Variants in KIRREL3 observed in about 807,000 individuals in gnomAD.
KIRREL3 encodes the protein kirre like nephrin family adhesion molecule 3.
Under a neutral mutation model 89.7 loss-of-function variants are expected in KIRREL3, and 36 were observed. That is an observed-to-expected ratio of 0.40 (90% confidence interval 0.31 to 0.53). KIRREL3 has a LOEUF of 0.53. Among genes scored for constraint, KIRREL3 ranks in the 20% least tolerant of loss-of-function variants. KIRREL3 has a pLI of 0.49. For synonymous variants in KIRREL3, 445 were observed against 441.4 expected, an observed-to-expected ratio of 1.01 and a Z score of -0.10; for missense variants, 864 against 1,056.6, an observed-to-expected ratio of 0.82 and a Z score of 2.53.
rs1417785881 is a variant in KIRREL3, at chr11:126,628,652, C to G, written c.56-65740G>C. On this transcript the variant is annotated intron_variant, in intron 1 of 16. Coordinates refer to ENST00000525144, the MANE Select transcript of KIRREL3 (RefSeq NM_032531.4). This position sits in a 1 kb window ranked among gnomAD's most constrained non-coding sequence, Gnocchi z 5.2. ...GTGTGTATCTGTTTCCTCTTTGTCC[C>G]CAGCAGAGAATAGAAACTGACTGTC... is the stretch of plus-strand genomic sequence containing the variant. 6.6e-6 allele frequency among the ~76,000 whole-genome samples: 1 copy of G among 152,192 alleles called. No individual in the cohort carries two copies. The highest frequency in any genetic ancestry group is 1.5e-5 in the Non-Finnish European group (1 of 68,038).
Position 126,562,039 on chromosome 11 carries a change from G to C in KIRREL3, c.133+796C>G, listed in dbSNP as rs546084573. 3.9e-5 allele frequency among the ~76,000 whole-genome samples: 6 copies of C among 152,302 alleles called. No individual in the cohort carries two copies. The highest frequency in any genetic ancestry group is 1.4e-4 in the African/African-American group (6 of 41,558). On this transcript the variant is annotated intron_variant, in intron 2 of 16. Transcript: ENST00000525144. This position sits in a 1 kb window ranked among gnomAD's most constrained non-coding sequence, Gnocchi z 4.7. ...GCAAGCATGGCTGGTGGGAGCCAAG[G>C]CTTCATTTGTCTGACTTTAATGAAT...
At chr11:126,592,759 A>C (rs1942203976) in intron 1 of KIRREL3, among the ~76,000 whole-genome samples, 1 of 152,226 alleles carries the variant, frequency 6.6e-6, no homozygotes, top group South Asian at 2.1e-4. Context: ...CACCAGTCGC[A>C]GGTAAGGCCT....
At chr11:126,554,837 T>A (rs1243073448) in intron 2 of KIRREL3, among the ~76,000 whole-genome samples, 3 of 152,106 alleles carry the variant, frequency 2.0e-5, no homozygotes, top group Admixed American at 6.5e-5. Context: ...CCTGTGCCCA[T>A]GAAAAGACTT....
chr11:126,937,483 C>T lies in KIRREL3; in HGVS notation c.55+62972G>A, dbSNP rs574057304. 9.2e-5 allele frequency among the ~76,000 whole-genome samples: 14 copies of T among 152,352 alleles called. No homozygotes were observed. The East Asian group carries it at 9.6e-4, about 10-fold the overall frequency. Reference sequence around the variant, plus strand: ...ATTATCGCAGCTCCAGTCAAGGACACGTGAGCATACATTTCCTGGAGGAGC... The same window carrying T: ...ATTATCGCAGCTCCAGTCAAGGACATGTGAGCATACATTTCCTGGAGGAGC... On this transcript the variant is annotated intron_variant, in intron 1 of 16. Transcript: ENST00000525144.
intron 1 of KIRREL3, among the ~76,000 whole-genome samples, chr11:126,665,139 C>T (rs1406732219): frequency 6.6e-6 from 1 of 152,068 alleles, no homozygotes; most frequent in African/African-American, 2.4e-5. Context: ...AGGTGAGGCT[C>T]AACACTGTTA....
chr11:126,500,473 C>G (rs919296397), intron 4 of KIRREL3, among the ~76,000 whole-genome samples: 4 of 152,174 alleles, frequency 2.6e-5, no homozygotes, highest in African/African-American at 9.7e-5. Flanking sequence ...GACACAGTGG[C>G]TCATGCCTGT....
rs763769839 is a variant in KIRREL3 at position 126,473,476 on chromosome 11, G to C, written c.434-10C>G. ...GGGTCATCAGGCGGCACTGCGGGGA[G>C]AGAAGCAGTGAGGTCAGGCCGAGGC... On this transcript the variant is annotated splice_polypyrimidine_tract_variant and intron_variant, in intron 4 of 16. Transcript: ENST00000525144. 2.0e-6 allele frequency: 3 copies of C among 1,537,652 alleles called. No individual in the cohort carries two copies. Among genetic ancestry groups the C allele is most frequent in the Admixed American group, 3.5e-5 (2 of 57,526 alleles).
Position 126,531,289 on chromosome 11 carries a change from G to C in KIRREL3, c.134-4602C>G, listed in dbSNP as rs780392492. Among the ~76,000 whole-genome samples the C allele has an allele frequency of 6.6e-6, 1 of 152,112 alleles. No homozygotes were observed. Among genetic ancestry groups the C allele is most frequent in the Non-Finnish European group, 1.5e-5 (1 of 68,008 alleles). On this transcript the variant is annotated intron_variant, in intron 2 of 16. Coordinates refer to ENST00000525144, the MANE Select transcript of KIRREL3 (RefSeq NM_032531.4). The surrounding 1 kb of genome is among the most constrained non-coding windows in gnomAD (Gnocchi z 4.7). ...GCCACAGACTCTGAATGTTCTCTTTGCCTGATCCATTAATGTGCTGAACCT... is the reference window on the plus strand; with the variant it reads ...GCCACAGACTCTGAATGTTCTCTTTCCCTGATCCATTAATGTGCTGAACCT...
chr11:126,538,877 C>T (rs1441790263), intron 2 of KIRREL3, among the ~76,000 whole-genome samples: 1 of 150,544 alleles, frequency 6.6e-6, no homozygotes, highest in Non-Finnish European at 1.5e-5. Flanking sequence ...GAATAAAAAG[C>T]TCTACACCAT....
At chr11:126,706,635 A>G (rs1008895655) in intron 1 of KIRREL3, among the ~76,000 whole-genome samples, 6 of 152,240 alleles carry the variant, frequency 3.9e-5, no homozygotes, top group African/African-American at 1.4e-4. Context: ...TACACAGGAC[A>G]TGGAGATATG....
chr11:126,446,926 G>A (rs1188963638), intron 8 of KIRREL3, 40 bp from the exon 9 acceptor site: 1 of 1,588,836 alleles, frequency 6.3e-7, no homozygotes, highest in Non-Finnish European at 8.6e-7. Flanking sequence ...CAGGTGGGTG[G>A]GGAGCTCTGG....
chr11:126,921,734 A>G (rs1947315296), intron 1 of KIRREL3, among the ~76,000 whole-genome samples: 1 of 146,930 alleles, frequency 6.8e-6, no homozygotes, highest in African/African-American at 2.5e-5. Context: ...CTATCAATCT[A>G]TCTATATCTG....
rs763957290 is a variant in KIRREL3 at position 126,550,113 on chromosome 11, G to T, written c.133+12722C>A. The T allele has an allele frequency of 6.6e-6, 1 of 152,174 alleles. No homozygotes were observed. Among genetic ancestry groups the T allele is most frequent in the Non-Finnish European group, 1.5e-5 (1 of 68,046 alleles). 9.4% of individuals were successfully genotyped at this position (152,174 alleles called of 1,614,324 possible). A position where few individuals can be genotyped will look rare whatever the true frequency, so the allele number is the denominator to read the frequency against. ...TCCCCGCAAGACAGTGGTATCCTTG[G>T]GGGCAGGGACTGTGTTTTTACATGC... On this transcript the variant is annotated intron_variant, in intron 2 of 16. Coordinates refer to ENST00000525144, the MANE Select transcript of KIRREL3 (RefSeq NM_032531.4). This position sits in a 1 kb window ranked among gnomAD's most constrained non-coding sequence, Gnocchi z 4.9.
At chr11:126,902,638 C>G (rs1394358364) in intron 1 of KIRREL3, among the ~76,000 whole-genome samples, 1 of 152,176 alleles carries the variant, frequency 6.6e-6, no homozygotes, top group Non-Finnish European at 1.5e-5. Context: ...GCGTCAAAGT[C>G]CCTCTCCTCC....
chr11:126,522,898 T>C lies in KIRREL3; in HGVS notation c.284-1434A>G, dbSNP rs1892998. The stretch of plus-strand genomic sequence containing the variant: ...TGAAGGACCCTCACCACACAGGGAG[T>C]GTTCTCAGACGGGTGCTGTAGGAGG... On this transcript the variant is annotated intron_variant, in intron 3 of 16. Coordinates refer to ENST00000525144, the MANE Select transcript of KIRREL3 (RefSeq NM_032531.4). The surrounding 1 kb of genome is among the most constrained non-coding windows in gnomAD (Gnocchi z 6.0). Among the ~76,000 whole-genome samples the C allele has an allele frequency of 0.27, 41,194 of 151,952 alleles. 6,774 individuals are homozygous for C. The highest frequency in any genetic ancestry group is 0.45 in the African/African-American group (18,808 of 41,366).
chr11:126,910,139 A>G (rs1332925991), intron 1 of KIRREL3, among the ~76,000 whole-genome samples: 6 of 152,144 alleles, frequency 3.9e-5, no homozygotes, highest in Non-Finnish European at 7.3e-5. Flanking sequence ...CTTGGACTAT[A>G]CACACAGCTC....
chr11:126,863,375 G>GTGTGTGTTTGAGTGCGTGT (rs1944769418), intron 1 of KIRREL3, among the ~76,000 whole-genome samples: 3 of 132,436 alleles, frequency 2.3e-5, no homozygotes, highest in Non-Finnish European at 3.1e-5. Context: ...TTGAGTGCGT[G>GTGTGTGTTTGAGTGCGTGT]TGTGTGTTTG....
chr11:126,975,588 T>A (rs1949543451), intron 1 of KIRREL3, among the ~76,000 whole-genome samples: 1 of 152,186 alleles, frequency 6.6e-6, no homozygotes, highest in Admixed American at 6.5e-5. Flanking sequence ...GCTTGTTATA[T>A]AACTGAGGAC....
Position 126,528,119 on chromosome 11 carries a change from C to T in KIRREL3, c.134-1432G>A, listed in dbSNP as rs113521904. Among the ~76,000 whole-genome samples, 5 of 152,312 alleles carry T rather than the reference C, an allele frequency of 3.3e-5. 1 individual carries two copies. The highest frequency in any genetic ancestry group is 1.2e-4 in the African/African-American group (5 of 41,568). On this transcript the variant is annotated intron_variant, in intron 2 of 16. Transcript: ENST00000525144. This position sits in a 1 kb window ranked among gnomAD's most constrained non-coding sequence, Gnocchi z 4.6. ...GTTAGAGCAGGGGTTTGAGCAGGGG[C>T]CCATCTGCATTCCAAGCCCTCCCTT...
Sources: allele counts gnomAD v4.1 joint callset (sites outside exome capture counted in the v4.1 genomes callset), GRCh38; gene constraint gnomAD v4.1.1; non-coding constraint Gnocchi (gnomAD v3.1); transcripts MANE v1.5; gene names NCBI Gene and HGNC (gene_info 2026-07-23, HGNC 2026-07-21).